ZCCHC10: variants seen among roughly 807,000 people sequenced by gnomAD.
ZCCHC10 encodes the protein zinc finger CCHC domain-containing protein 10.
In ZCCHC10, 16 loss-of-function variants were observed where a neutral mutation model predicts 19.5. The ratio of observed to expected loss-of-function variants is 0.82; its 90% CI spans 0.56 to 1.25. The LOEUF (loss-of-function observed/expected upper bound fraction) is 1.25, where lower values mean the gene tolerates loss of function less well. Ranked by LOEUF, ZCCHC10 falls within the 50% of genes most tolerant of loss-of-function variation. ZCCHC10 has a pLI of 0.00. For synonymous variants in ZCCHC10, 67 were observed against 72.5 expected (o/e 0.92, Z 0.38); for missense variants, 197 against 201.0 (o/e 0.98, Z 0.12).
At chr5:133,012,555 T>TA (rs1384015657) in intron 2 of ZCCHC10, among the ~76,000 whole-genome samples, 43 of 145,736 alleles carry the variant, frequency 3.0e-4, no homozygotes, top group East Asian at 6.0e-4. Context: ...AGATTTTAAT[T>TA]AAAAAAAAAA....
chr5:133,019,928 G>A (rs1044204344), intron 2 of ZCCHC10, among the ~76,000 whole-genome samples: 1 of 150,228 alleles, frequency 6.7e-6, no homozygotes, highest in African/African-American at 2.5e-5. Flanking sequence ...CTCTAGCCTG[G>A]GTGACACAGT....
At chr5:133,019,097 T>G in intron 2 of ZCCHC10, 1 of 452,022 alleles carries the variant, frequency 2.2e-6, no homozygotes, top group Non-Finnish European at 4.4e-6. Flanking sequence ...AAAGCTCAGG[T>G]ATGAGGCTGG....
rs985529225 is a variant in ZCCHC10, at chr5:132,997,567, A to G, written c.*1016T>C. ...TGTATATCCTATGTAAACACACCAG[A>G]TTAATCCTAGTCATTCATATATATG... On this transcript the variant is annotated 3_prime_UTR_variant, in exon 5 of 5. Coordinates refer to ENST00000509437, the MANE Select transcript of ZCCHC10 (RefSeq NM_001300816.3). 2.1e-4 allele frequency: 32 copies of G among 152,168 alleles called. No homozygotes were observed. Among genetic ancestry groups the G allele is most frequent in the African/African-American group, 7.7e-4 (32 of 41,464 alleles). The allele number at this position is 152,168 out of a possible 1,614,324, so 9.4% of individuals were successfully genotyped here. A position where few individuals can be genotyped will look rare whatever the true frequency, so the allele number is the denominator to read the frequency against.
intron 1 of ZCCHC10, 131 bp downstream of exon 1, chr5:133,026,366 C>G: frequency 7.5e-7 from 1 of 1,339,314 alleles, no homozygotes. Context: ...GCCCGAGCCC[C>G]CCGGGAGCCA....
At chr5:133,007,045 C>T (rs192672188) in intron 2 of ZCCHC10, 125 bp from the exon 3 acceptor site, 2 of 927,676 alleles carry the variant, frequency 2.2e-6, no homozygotes, top group African/African-American at 1.7e-5. Context: ...TAAAAATCAA[C>T]ATTTTACCCT....
At chr5:133,009,183 T>G (rs1763332947) in intron 2 of ZCCHC10, among the ~76,000 whole-genome samples, 1 of 151,926 alleles carries the variant, frequency 6.6e-6, no homozygotes, top group Non-Finnish European at 1.5e-5. Context: ...TTGTATTTTT[T>G]GTAGAGGTGG....
intron 1 of ZCCHC10, among the ~76,000 whole-genome samples, chr5:133,024,916 A>G (rs1285489090): frequency 6.6e-6 from 1 of 152,000 alleles, no homozygotes; most frequent in African/African-American, 2.4e-5. Context: ...AAAAAACAAA[A>G]AAAACCTGTC....
At chr5:133,023,431 T>C (rs1442415157) in intron 1 of ZCCHC10, among the ~76,000 whole-genome samples, 1 of 151,978 alleles carries the variant, frequency 6.6e-6, no homozygotes, top group Admixed American at 6.6e-5. Flanking sequence ...TTAGACTTTT[T>C]TCCCCGTCTT....
intron 2 of ZCCHC10, among the ~76,000 whole-genome samples, chr5:133,018,144 CA>C (rs10602241): frequency 0.015 from 1,490 of 96,312 alleles, 17 homozygotes; most frequent in African/African-American, 0.037. Flanking sequence ...GAATCTGTCT[CA>C]AAAAAAAAAA....
At chr5:133,005,978 C>CT (rs760600232) in intron 3 of ZCCHC10, among the ~76,000 whole-genome samples, 1,978 of 97,722 alleles carry the variant, frequency 0.02, 14 homozygotes, top group Middle Eastern at 0.038. Context: ...GAAGATGCTG[C>CT]TTTTTTTTTT....
chr5:133,004,243 C>T (rs996046832), intron 3 of ZCCHC10, among the ~76,000 whole-genome samples: 15 of 150,690 alleles, frequency 1.0e-4, no homozygotes, highest in East Asian at 2.0e-4. Context: ...GGTGCAGTCT[C>T]GGCTCACCAC....
At chr5:133,025,503 CAAA>C (rs74843776) in intron 1 of ZCCHC10, among the ~76,000 whole-genome samples, 2 of 18,682 alleles carry the variant, frequency 1.1e-4, no homozygotes, top group East Asian at 2.4e-3. Context: ...GACTCCGCCT[CAAA>C]AAAAAAAAAA....
chr5:133,024,544 G>C (rs1175641106), intron 1 of ZCCHC10, among the ~76,000 whole-genome samples: 1 of 152,158 alleles, frequency 6.6e-6, no homozygotes, highest in African/African-American at 2.4e-5. Context: ...GGGAGAAATG[G>C]GATCCTGGTG....
chr5:133,014,159 T>C (rs1166702467), intron 2 of ZCCHC10, among the ~76,000 whole-genome samples: 1 of 146,282 alleles, frequency 6.8e-6, no homozygotes, highest in Non-Finnish European at 1.5e-5. Context: ...TTACTCTTTT[T>C]TTTTTTTTTT....
In ZCCHC10 at chr5:133,015,710, T is replaced by A. The variant is rs1323477290; in HGVS notation, c.107+7131A>T. Among the ~76,000 whole-genome samples the A allele has an allele frequency of 2.6e-5, 4 of 152,114 alleles. No individual in the cohort carries two copies. The East Asian group carries it at 7.7e-4, about 29-fold the overall frequency. ...ACTGCTGCCCCTGCCAACATCCTGA[T>A]CACAACCACATGGGAGAGACTGAGT... On this transcript the variant is annotated intron_variant, in intron 2 of 4. Transcript: ENST00000509437.
intron 4 of ZCCHC10, among the ~76,000 whole-genome samples, chr5:132,999,117 T>G (rs1318846834): frequency 6.6e-6 from 1 of 152,004 alleles, no homozygotes; most frequent in Non-Finnish European, 1.5e-5. Context: ...GGTTTCATCA[T>G]GTTCACCATG....
intron 2 of ZCCHC10, among the ~76,000 whole-genome samples, chr5:133,016,944 C>CA (rs1439174163): frequency 3.9e-5 from 6 of 152,024 alleles, no homozygotes; most frequent in African/African-American, 1.5e-4. Flanking sequence ...AGGCCCCCCC[C>CA]AGACACATTT....
chr5:133,001,398 AAAC>A (rs148198017), intron 3 of ZCCHC10, among the ~76,000 whole-genome samples: 46,419 of 151,182 alleles, frequency 0.31, 7,974 homozygotes, highest in African/African-American at 0.47. Flanking sequence ...CTCAAAATAA[AAAC>A]AACAACAACA....
At position 133,006,764 on chromosome 5, in the gene ZCCHC10, T is replaced by C; in HGVS notation, c.264A>G (p.Gln88=). 1 of 1,601,938 alleles carries C rather than the reference T, an allele frequency of 6.2e-7. No individual in the cohort carries two copies. Among genetic ancestry groups the C allele is most frequent in the South Asian group, 1.1e-5 (1 of 88,002 alleles). ...GATACCACATGTAAACCTACCTTTG[T>C]TGCAATAATAATCTGTTTTCTTTTT... is the stretch of plus-strand genomic sequence containing the variant. ...LKEKENRLLL[Q]QSIGETNVER... The change falls in exon 3 of 5, where the codon CAA becomes CAG. Residue 88 remains glutamine, a synonymous_variant. Transcript: ENST00000509437.
Sources: gnomAD v4.1 joint callset for allele counts (sites outside exome capture counted in the v4.1 genomes callset) on GRCh38, gnomAD v4.1.1 for gene constraint, MANE v1.5 for transcripts, NCBI Gene and HGNC (gene_info 2026-07-23, HGNC 2026-07-21) for gene names.